CDH10: variants seen among roughly 807,000 people sequenced by gnomAD.
CDH10 encodes the protein cadherin 10, also known as cadherin-10.
CDH10 carries 30 observed loss-of-function variants against 73.1 expected under a neutral mutation model. That is an observed-to-expected ratio of 0.41 (90% CI 0.31 to 0.56). The LOEUF is 0.56. Ranked by LOEUF, CDH10 falls within the 20% of genes least tolerant of loss-of-function variation. CDH10 has a pLI of 0.27. For synonymous variants in CDH10, 345 were observed against 348.2 expected (o/e 0.99, Z 0.10); for missense variants, 815 against 973.7 (o/e 0.84, Z 2.17).
In CDH10 at chr5:24,605,188, A is replaced by G. The variant is rs185716509; in HGVS notation, c.-123-11575T>C. ...ACCACTACATTAAATTAAAATAGCT[A>G]AAATAACATTTTAAGAAGACATTAC... On this transcript the variant is annotated intron_variant, in intron 1 of 11. Transcript: ENST00000264463. 6.0e-4 allele frequency among the ~76,000 whole-genome samples: 92 copies of G among 152,346 alleles called. 1 individual carries two copies. The highest frequency in any genetic ancestry group is 4.4e-5 in the Non-Finnish European group (3 of 68,040).
At chr5:24,564,771 A>G (rs564723093) in intron 2 of CDH10, among the ~76,000 whole-genome samples, 1 of 152,292 alleles carries the variant, frequency 6.6e-6, no homozygotes, top group South Asian at 2.1e-4. Flanking sequence ...GTATTAACTT[A>G]TTAGATCAAT....
chr5:24,617,715 C>T (rs1338976141), intron 1 of CDH10, among the ~76,000 whole-genome samples: 4 of 152,222 alleles, frequency 2.6e-5, no homozygotes, highest in Admixed American at 6.5e-5. Context: ...ACAGCTGCTT[C>T]TAACTCTTCA....
At chr5:24,489,732 G>A (rs1206988450) in intron 11 of CDH10, among the ~76,000 whole-genome samples, 2 of 152,026 alleles carry the variant, frequency 1.3e-5, no homozygotes, top group East Asian at 3.9e-4. Flanking sequence ...TAATTCAAAA[G>A]CAGTTAAAAG....
At chr5:24,535,075 CT>C in intron 5 of CDH10, 36 bp downstream of exon 5, 2 of 1,502,368 alleles carry the variant, frequency 1.3e-6, no homozygotes, top group Non-Finnish European at 1.8e-6. Flanking sequence ...TACTCTAAAT[CT>C]TTTGCCCGGC....
At chr5:24,619,172 C>A (rs1747224133) in intron 1 of CDH10, among the ~76,000 whole-genome samples, 1 of 151,878 alleles carries the variant, frequency 6.6e-6, no homozygotes, top group Non-Finnish European at 1.5e-5. Context: ...TACCTCTAGT[C>A]TCATCTATAT....
intron 9 of CDH10, among the ~76,000 whole-genome samples, chr5:24,495,989 T>G (rs1357702448): frequency 6.6e-6 from 1 of 152,168 alleles, no homozygotes; most frequent in African/African-American, 2.4e-5. Flanking sequence ...TAAGGAATGC[T>G]TCAGTGATCA....
chr5:24,584,683 C>A (rs879607710), intron 2 of CDH10, among the ~76,000 whole-genome samples: 5 of 151,298 alleles, frequency 3.3e-5, no homozygotes, highest in Admixed American at 6.6e-5. Flanking sequence ...GTTGGCCAGG[C>A]TGGTCTCGAT....
chr5:24,569,841 C>T (rs1310964787), intron 2 of CDH10, among the ~76,000 whole-genome samples: 2 of 151,926 alleles, frequency 1.3e-5, no homozygotes, highest in African/African-American at 4.8e-5. Context: ...TTGCTCACTG[C>T]AACTTCTGCC....
intron 2 of CDH10, among the ~76,000 whole-genome samples, chr5:24,586,990 G>A (rs1411119374): frequency 1.3e-5 from 2 of 151,082 alleles, no homozygotes; most frequent in Non-Finnish European, 2.9e-5. Flanking sequence ...GACTACAGGC[G>A]CCCGCCACCG....
At chr5:24,552,594 G>GA (rs1283840757) in intron 2 of CDH10, among the ~76,000 whole-genome samples, 1 of 151,856 alleles carries the variant, frequency 6.6e-6, no homozygotes, top group Non-Finnish European at 1.5e-5. Context: ...TGTCAATGCA[G>GA]ATTTCCTTGT....
chr5:24,529,261 C>T (rs1184546107), intron 5 of CDH10, among the ~76,000 whole-genome samples: 1 of 151,908 alleles, frequency 6.6e-6, no homozygotes, highest in Non-Finnish European at 1.5e-5. Context: ...TATGACATCT[C>T]TTTTAGGTTC....
intron 2 of CDH10, among the ~76,000 whole-genome samples, chr5:24,580,707 A>G (rs1051689952): frequency 6.6e-6 from 1 of 152,188 alleles, no homozygotes; most frequent in African/African-American, 2.4e-5. Flanking sequence ...CACAAACCCA[A>G]TGAATTAAAA....
intron 2 of CDH10, among the ~76,000 whole-genome samples, chr5:24,577,578 A>G (rs185607957): frequency 5.1e-4 from 76 of 149,968 alleles, no homozygotes; most frequent in Non-Finnish European, 9.8e-4. Context: ...TATAGTAAAT[A>G]ATTAAGAATA....
intron 1 of CDH10, among the ~76,000 whole-genome samples, chr5:24,621,629 G>A (rs1747319118): frequency 1.3e-5 from 2 of 152,276 alleles, no homozygotes; most frequent in South Asian, 4.1e-4. Context: ...GAAAGTCTGG[G>A]GAAGCCTTCC....
At chr5:24,504,506 C>CTTTTTTTT (rs70965605) in intron 8 of CDH10, among the ~76,000 whole-genome samples, 2 of 65,204 alleles carry the variant, frequency 3.1e-5, no homozygotes, top group Non-Finnish European at 5.9e-5. Flanking sequence ...TCCTATTAAT[C>CTTTTTTTT]TTTTTTTTTT....
chr5:24,626,979 A>G (rs1409758764), intron 1 of CDH10, among the ~76,000 whole-genome samples: 1 of 151,526 alleles, frequency 6.6e-6, no homozygotes, highest in African/African-American at 2.4e-5. Context: ...AATTAAGTAC[A>G]GTGAAAAACA....
intron 2 of CDH10, among the ~76,000 whole-genome samples, chr5:24,565,168 A>G (rs1290529369): frequency 6.6e-6 from 1 of 152,208 alleles, no homozygotes; most frequent in Non-Finnish European, 1.5e-5. Flanking sequence ...ATTGTTTAGG[A>G]AAGAAGAGAA....
chr5:24,543,869 AT>A (rs1744241887), intron 2 of CDH10, among the ~76,000 whole-genome samples: 1 of 152,174 alleles, frequency 6.6e-6, no homozygotes, highest in Non-Finnish European at 1.5e-5. Context: ...TAAATGGAGT[AT>A]GGGAAGATTA....
intron 2 of CDH10, among the ~76,000 whole-genome samples, chr5:24,549,551 CT>C (rs56094828): frequency 1.9e-3 from 260 of 133,450 alleles, no homozygotes; most frequent in Middle Eastern, 4.1e-3. Flanking sequence ...AATGGAATGA[CT>C]TTTTTTTTTT....
Sources: gnomAD v4.1 joint callset for allele counts (sites outside exome capture counted in the v4.1 genomes callset) on GRCh38, gnomAD v4.1.1 for gene constraint, MANE v1.5 for transcripts, NCBI Gene and HGNC (gene_info 2026-07-23, HGNC 2026-07-21) for gene names.